The following NAALADL2 variants were observed in gnomAD, a reference collection of about 807,000 sequenced individuals.
The protein encoded by NAALADL2 is N-acetylated alpha-linked acidic dipeptidase like 2.
Under a neutral mutation model 87.2 loss-of-function variants are expected in NAALADL2, and 76 were observed. The ratio of observed to expected loss-of-function variants is 0.87; its 90% CI spans 0.72 to 1.05. NAALADL2 has a LOEUF of 1.05. Ranked by LOEUF, NAALADL2 falls within the 50% of genes least tolerant of loss-of-function variation. NAALADL2 has a pLI of 0.00. For synonymous variants in NAALADL2, 354 were observed against 331.0 expected, an observed-to-expected ratio of 1.07 and a Z score of -0.75; for missense variants, 1,089 against 945.8, an observed-to-expected ratio of 1.15 and a Z score of -1.99.
intron 9 of NAALADL2, among the ~76,000 whole-genome samples, chr3:175,526,876 A>G (rs912634521): frequency 1.3e-5 from 2 of 152,164 alleles, no homozygotes. Flanking sequence ...TAGAGCATTT[A>G]GCTAAAACCC....
At chr3:175,424,500 A>G (rs1396835746) in intron 5 of NAALADL2, among the ~76,000 whole-genome samples, 3 of 152,198 alleles carry the variant, frequency 2.0e-5, no homozygotes, top group Non-Finnish European at 4.4e-5. Flanking sequence ...TCCCAGCACC[A>G]TTTATTAAAT....
intron 9 of NAALADL2, among the ~76,000 whole-genome samples, chr3:175,508,605 C>A (rs561395780): frequency 1.3e-5 from 2 of 152,086 alleles, no homozygotes; most frequent in Non-Finnish European, 2.9e-5. Context: ...TTTTTATTTT[C>A]TTTTCCTCTT....
At chr3:175,030,586 A>G (rs1752693533) in intron 1 of NAALADL2, among the ~76,000 whole-genome samples, 1 of 152,060 alleles carries the variant, frequency 6.6e-6, no homozygotes, top group Non-Finnish European at 1.5e-5. Flanking sequence ...GCCAAGAGTT[A>G]AAACAACCTG....
At chr3:175,042,781 C>T (rs1027281249) in intron 1 of NAALADL2, among the ~76,000 whole-genome samples, 10 of 152,038 alleles carry the variant, frequency 6.6e-5, no homozygotes, top group African/African-American at 2.4e-4. Context: ...GATATTTGCC[C>T]CTCCAAACCT....
At chr3:174,472,050 A>G (rs1716939388) in intron 1 of NAALADL2, among the ~76,000 whole-genome samples, 1 of 152,108 alleles carries the variant, frequency 6.6e-6, no homozygotes, top group South Asian at 2.1e-4. Context: ...TCTATTTTCT[A>G]TACTCCTTGA....
chr3:174,943,910 C>T (rs1738998708), intron 1 of NAALADL2, among the ~76,000 whole-genome samples: 1 of 152,166 alleles, frequency 6.6e-6, no homozygotes, highest in Non-Finnish European at 1.5e-5. Context: ...CCCCTGGAGG[C>T]TCTGCCCAGG....
At chr3:174,642,788 A>ATATATATATAT (rs1452178564) in intron 2 of NAALADL2, among the ~76,000 whole-genome samples, 1 of 88,194 alleles carries the variant, frequency 1.1e-5, no homozygotes, top group Non-Finnish European at 2.3e-5. Flanking sequence ...ATATATATAT[A>ATATATATATAT]TGTTTTTTTT....
chr3:175,159,349 G>A (rs1580733839), intron 2 of NAALADL2, among the ~76,000 whole-genome samples: 1 of 152,182 alleles, frequency 6.6e-6, no homozygotes, highest in Admixed American at 6.5e-5. Context: ...AAAAGCAGCT[G>A]ATTTGAGTAG....
intron 3 of NAALADL2, among the ~76,000 whole-genome samples, chr3:174,824,476 A>G (rs1209184835): frequency 6.6e-6 from 1 of 152,248 alleles, no homozygotes; most frequent in Non-Finnish European, 1.5e-5. Context: ...AATATATCAC[A>G]TTCCAAATAT....
chr3:174,823,483 T>C (rs1184930410), intron 3 of NAALADL2, among the ~76,000 whole-genome samples: 2 of 152,148 alleles, frequency 1.3e-5, no homozygotes, highest in Admixed American at 6.6e-5. Context: ...AATTAAAATA[T>C]AGATTGTTAC....
At chr3:174,767,621 G>A (rs1375311145) in intron 3 of NAALADL2, among the ~76,000 whole-genome samples, 1 of 152,116 alleles carries the variant, frequency 6.6e-6, no homozygotes, top group African/African-American at 2.4e-5. Context: ...CCTAAGTAAT[G>A]GGGCCATGGC....
chr3:174,977,281 C>T (rs1443106460), intron 1 of NAALADL2, among the ~76,000 whole-genome samples: 5 of 152,090 alleles, frequency 3.3e-5, no homozygotes, highest in East Asian at 1.9e-4. Context: ...CCCCACACCA[C>T]GCCCAGCTAA....
chr3:175,423,052 T>TATATATATATATATATATA (rs1491115866), intron 5 of NAALADL2, among the ~76,000 whole-genome samples: 2 of 98,428 alleles, frequency 2.0e-5, no homozygotes, highest in African/African-American at 8.2e-5. Flanking sequence ...TATATATATA[T>TATATATATATATATATATA]TTTTTTTTTT....
chr3:175,454,002 G>T (rs758777597), intron 6 of NAALADL2, among the ~76,000 whole-genome samples: 4 of 151,932 alleles, frequency 2.6e-5, no homozygotes, highest in Admixed American at 6.6e-5. Context: ...TTCTTGTTTT[G>T]AGTATTAATT....
chr3:175,275,470 T>G (rs190082894), intron 4 of NAALADL2, among the ~76,000 whole-genome samples: 3 of 151,814 alleles, frequency 2.0e-5, no homozygotes, highest in African/African-American at 2.4e-5. Context: ...TTTATGTAGT[T>G]GGGCGGGCCA....
chr3:175,057,018 C>T (rs765250323), intron 1 of NAALADL2, among the ~76,000 whole-genome samples: 6 of 152,150 alleles, frequency 3.9e-5, no homozygotes, highest in Admixed American at 1.3e-4. Flanking sequence ...CTGTTCCCAA[C>T]AGCATTTTCA....
intron 2 of NAALADL2, among the ~76,000 whole-genome samples, chr3:175,223,737 A>G (rs1032680844): frequency 3.3e-5 from 5 of 152,168 alleles, no homozygotes; most frequent in African/African-American, 9.7e-5. Context: ...AAAGATGTCA[A>G]ATAGGAGCTT....
At position 175,327,594 on chromosome 3, in the gene NAALADL2, G is replaced by A. The variant is rs28503278; in HGVS notation, c.1090+3269G>A. ...GAAATTCAGTGATGGGTAACTCAGG[G>A]TTGTTAGTACTTAGCTTTTATATAA... On this transcript the variant is annotated intron_variant, in intron 5 of 13. Coordinates refer to ENST00000454872, the MANE Select transcript of NAALADL2 (RefSeq NM_207015.3). Among the ~76,000 whole-genome samples the A allele has an allele frequency of 9.4e-3, 1,433 of 152,280 alleles. 18 individuals are homozygous for A. Among genetic ancestry groups the A allele is most frequent in the African/African-American group, 0.032 (1,318 of 41,556 alleles).
chr3:175,607,831 A>C (rs1187020688), intron 10 of NAALADL2, among the ~76,000 whole-genome samples: 1 of 151,910 alleles, frequency 6.6e-6, no homozygotes, highest in East Asian at 1.9e-4. Flanking sequence ...GTTTTAATCC[A>C]AGTGATTCTA....
Sources: allele counts gnomAD v4.1 joint callset (sites outside exome capture counted in the v4.1 genomes callset), GRCh38; gene constraint gnomAD v4.1.1; transcripts MANE v1.5; gene names NCBI Gene and HGNC (gene_info 2026-07-23, HGNC 2026-07-21).